The following FILIP1L variants were observed in gnomAD, a reference collection of about 807,000 sequenced individuals.
FILIP1L encodes filamin A interacting protein 1 like.
In FILIP1L, 55 loss-of-function variants were observed where a neutral mutation model predicts 96.6. The observed-to-expected ratio is 0.57, with a 90% CI of 0.46 to 0.71. The LOEUF (loss-of-function observed/expected upper bound fraction) is 0.71. Ranked by LOEUF, FILIP1L falls within the 30% of genes least tolerant of loss-of-function variation. The pLI, the probability that FILIP1L is intolerant of heterozygous loss-of-function variation, is 0.00. For synonymous variants in FILIP1L, 467 were observed against 473.9 expected (o/e 0.99, Z 0.19); for missense variants, 1,304 against 1,321.2 (o/e 0.99, Z 0.20).
At chr3:100,025,485 A>G (rs955537419) in intron 1 of FILIP1L, 4 of 152,162 alleles carry the variant, frequency 2.6e-5, no homozygotes, top group African/African-American at 9.7e-5. Context: ...TAGGGTTAAA[A>G]TAGATAAATA....
At chr3:99,900,999 T>C (rs1395923031) in intron 4 of FILIP1L, among the ~76,000 whole-genome samples, 1 of 152,230 alleles carries the variant, frequency 6.6e-6, no homozygotes, top group Non-Finnish European at 1.5e-5. Context: ...CCAGTTTGCT[T>C]TGCTTCTTAT....
At chr3:99,943,047 G>A (rs1220259952) in intron 1 of FILIP1L, among the ~76,000 whole-genome samples, 1 of 152,144 alleles carries the variant, frequency 6.6e-6, no homozygotes, top group Non-Finnish European at 1.5e-5. Flanking sequence ...CCACTGCTTA[G>A]AACAACTTTG....
chr3:99,990,734 G>A (rs1444426556), intron 1 of FILIP1L, among the ~76,000 whole-genome samples: 3 of 151,584 alleles, frequency 2.0e-5, no homozygotes, highest in African/African-American at 4.8e-5. Context: ...AAGTGCCCAC[G>A]GGAGGAAAAA....
At chr3:99,994,732 T>A (rs1709624897) in intron 1 of FILIP1L, among the ~76,000 whole-genome samples, 1 of 152,078 alleles carries the variant, frequency 6.6e-6, no homozygotes, top group African/African-American at 2.4e-5. Context: ...GGCCTCAGAA[T>A]CATGGTGGGA....
chr3:99,851,140 A>G (rs2107529332), intron 4 of FILIP1L, 70 bp from the exon 5 acceptor site: 2 of 1,222,166 alleles, frequency 1.6e-6, no homozygotes, highest in East Asian at 2.4e-5. Flanking sequence ...ACTTAAATAT[A>G]TATGTAATTT....
At position 99,930,921 on chromosome 3, in the gene FILIP1L, T is replaced by C. The variant is rs755202720; in HGVS notation, c.100A>G (p.Arg34Gly). ...SFQGPKNMKH[R>G]QQDKDSPSES... ...CTGGGGGAGTCTTTGTCTTGCTGTCTATGCTTCATGTTTTTAGGCCCTTGG... is the reference window on the plus strand; with the variant it reads ...CTGGGGGAGTCTTTGTCTTGCTGTCCATGCTTCATGTTTTTAGGCCCTTGG... Residue 34 changes from arginine to glycine, a missense_variant, in exon 2 of 6, where the codon AGA becomes GGA. Physicochemically the swap from Arg to Gly is moderately radical, Grantham distance 125 (BLOSUM62 -2). Transcript: ENST00000477258. The C allele has an allele frequency of 5.0e-6, 8 of 1,613,670 alleles. No individual in the cohort carries two copies. In the East Asian group the frequency reaches 1.8e-4, roughly 36 times the overall value.
chr3:99,929,254 C>T (rs543256991), intron 3 of FILIP1L, among the ~76,000 whole-genome samples: 1 of 152,304 alleles, frequency 6.6e-6, no homozygotes, highest in South Asian at 2.1e-4. Context: ...TGGGACTGCC[C>T]ACCTTTGCCG....
chr3:99,941,356 T>C (rs1018850627), intron 1 of FILIP1L, among the ~76,000 whole-genome samples: 1 of 152,070 alleles, frequency 6.6e-6, no homozygotes, highest in Non-Finnish European at 1.5e-5. Flanking sequence ...ATGCACAAAG[T>C]GTTTTGGAAG....
intron 1 of FILIP1L, among the ~76,000 whole-genome samples, chr3:100,017,081 T>A (rs1299642491): frequency 2.6e-5 from 4 of 152,250 alleles, no homozygotes; most frequent in Non-Finnish European, 5.9e-5. Context: ...TAAAGACTTC[T>A]ATAGCACCTC....
intron 1 of FILIP1L, among the ~76,000 whole-genome samples, chr3:99,988,118 C>A (rs1433027818): frequency 6.6e-6 from 1 of 151,944 alleles, no homozygotes; most frequent in Non-Finnish European, 1.5e-5. Flanking sequence ...GTTTCAATAA[C>A]TTTTTTTTCT....
In FILIP1L at chr3:99,930,853, T is replaced by C. The variant is rs769453595; in HGVS notation, c.168A>G (p.Pro56=). 3 of 1,613,002 alleles carry C rather than the reference T, an allele frequency of 1.9e-6. No homozygotes were observed. In the East Asian group the frequency reaches 6.7e-5, roughly 36 times the overall value. ...CTGCTTGGTGGCCATTACCACTGTGTGGCTTCTCTGCCTTGGGACACGGAA... is the reference window on the plus strand; with the variant it reads ...CTGCTTGGTGGCCATTACCACTGTGCGGCTTCTCTGCCTTGGGACACGGAA... The part of the protein sequence containing the change: ...VILPCPKAEK[P]HSGNGHQAED... Residue 56 remains proline (P), a synonymous_variant, in exon 2 of 6, where the codon CCA becomes CCG. Coordinates refer to ENST00000477258, the MANE Select transcript of FILIP1L (RefSeq NM_001387850.1).
intron 5 of FILIP1L, among the ~76,000 whole-genome samples, chr3:99,837,952 T>A (rs7635633): frequency 0.047 from 7,093 of 152,296 alleles, 250 homozygotes; most frequent in South Asian, 0.075. Context: ...CACCTACTTA[T>A]AAGCTCAGAT....
intron 1 of FILIP1L, among the ~76,000 whole-genome samples, chr3:99,963,634 C>T (rs532938082): frequency 2.9e-4 from 44 of 151,026 alleles, no homozygotes; most frequent in South Asian, 8.4e-4. Context: ...TTTTTTTAGA[C>T]GGAGTGTCGC....
chr3:100,008,881 G>A (rs1048834703), intron 1 of FILIP1L, among the ~76,000 whole-genome samples: 7 of 152,106 alleles, frequency 4.6e-5, no homozygotes, highest in African/African-American at 1.4e-4. Context: ...GCATGGGTGG[G>A]ATTAATTAAT....
At chr3:100,061,523 A>G (rs1485353074) in intron 1 of FILIP1L, among the ~76,000 whole-genome samples, 1 of 152,226 alleles carries the variant, frequency 6.6e-6, no homozygotes, top group Non-Finnish European at 1.5e-5. Flanking sequence ...CCTCCTGCAG[A>G]GAATGAAAAG....
chr3:99,938,050 AGTGTGTGT>A (rs71625545), intron 1 of FILIP1L, among the ~76,000 whole-genome samples: 109 of 149,002 alleles, frequency 7.3e-4, no homozygotes, highest in Admixed American at 2.5e-3. Context: ...AGGCTCAGGA[AGTGTGTGT>A]GTGTGTGTGT....
At chr3:99,886,381 A>G (rs913770683) in intron 4 of FILIP1L, among the ~76,000 whole-genome samples, 12 of 152,110 alleles carry the variant, frequency 7.9e-5, no homozygotes, top group Non-Finnish European at 1.8e-4. Context: ...TACCATACAT[A>G]AAATACACTT....
intron 4 of FILIP1L, among the ~76,000 whole-genome samples, chr3:99,922,473 G>GA (rs758817681): frequency 1.3e-5 from 2 of 151,904 alleles, no homozygotes; most frequent in Non-Finnish European, 2.9e-5. Flanking sequence ...AAACCTCCTG[G>GA]AAAAAATAGA....
At chr3:99,904,934 A>G (rs1261401084) in intron 4 of FILIP1L, among the ~76,000 whole-genome samples, 1 of 152,112 alleles carries the variant, frequency 6.6e-6, no homozygotes, top group African/African-American at 2.4e-5. Flanking sequence ...TGGGTCCTTG[A>G]AGTCAGGTTT....
Sources: gnomAD v4.1 joint callset for allele counts (sites outside exome capture counted in the v4.1 genomes callset) on GRCh38, gnomAD v4.1.1 for gene constraint, MANE v1.5 for transcripts, NCBI Gene and HGNC (gene_info 2026-07-23, HGNC 2026-07-21) for gene names.